TSPEAR: variants seen among roughly 807,000 people sequenced by gnomAD.
TSPEAR encodes thrombospondin-type laminin G domain and EAR repeat-containing protein.
A neutral mutation model predicts 71.6 loss-of-function variants in TSPEAR; 69 were observed. The ratio of observed to expected loss-of-function variants is 0.96; its 90% confidence interval spans 0.79 to 1.18. The LOEUF (loss-of-function observed/expected upper bound fraction) is 1.18, where lower values mean the gene tolerates loss of function less well. Ranked by LOEUF, TSPEAR falls within the 50% of genes most tolerant of loss-of-function variation. The pLI, the probability that TSPEAR is intolerant of heterozygous loss-of-function variation, is 0.00. For missense variants in TSPEAR, 971 were observed against 894.9 expected (o/e 1.09, Z -1.09); for synonymous variants, 402 against 387.2 (o/e 1.04, Z -0.45).
chr21:44,551,415 T>C, intron 2 of TSPEAR: 1 of 1,612,626 alleles, frequency 6.2e-7, no homozygotes, highest in Non-Finnish European at 8.5e-7. Flanking sequence ...CTGCCAGGAG[T>C]TGGTGCAGGC....
At chr21:44,526,720 T>C (rs2145972650) in intron 7 of TSPEAR, among the ~76,000 whole-genome samples, 1 of 151,886 alleles carries the variant, frequency 6.6e-6, no homozygotes, top group East Asian at 2.0e-4. Flanking sequence ...CTGTGTAGAG[T>C]CCAGGGAGTG....
rs2145921503 is a variant in TSPEAR, at chr21:44,509,295, T to G, written c.1658A>C (p.Gln553Pro). The change falls in exon 10 of 12, where the codon CAA becomes CCA. Residue 553 changes from glutamine (Q) to proline (P), a missense_variant. Physicochemically the swap from Gln to Pro is moderately conservative, Grantham distance 76. Coordinates refer to ENST00000323084, the MANE Select transcript of TSPEAR (RefSeq NM_144991.3). ...GATGACATAGGAATCATTCTGGACTTGCATCTCCACATCGTAGCTGTGACT... is the reference window on the plus strand; with the variant it reads ...GATGACATAGGAATCATTCTGGACTGGCATCTCCACATCGTAGCTGTGACT... Reference protein sequence around the residue: ...ANSHSYDVEMQVQNDSYVINS... With the variant: ...ANSHSYDVEMPVQNDSYVINS... The G allele has an allele frequency of 6.2e-7, 1 of 1,614,050 alleles. No individual in the cohort carries two copies. Among genetic ancestry groups the G allele is most frequent in the East Asian group, 2.2e-5 (1 of 44,866 alleles).
rs1555912333 is a variant in TSPEAR, at chr21:44,509,360, G to C, written c.1593C>G (p.Val531=). The C allele has an allele frequency of 6.2e-7, 1 of 1,613,794 alleles. No homozygotes were observed. The highest frequency in any genetic ancestry group is 1.7e-5 in the Admixed American group (1 of 59,992). The change falls in exon 10 of 12, where the codon GTC becomes GTG. Residue 531 remains valine, a synonymous_variant. Coordinates refer to ENST00000323084, the MANE Select transcript of TSPEAR (RefSeq NM_144991.3). ...FPTFGAADWE[V]FQIGERIFLA... ...GGAAGATCCTCTCCCCGATCTGGAAGACCTCCCAGTCTGCAGCACCGAACG... is the reference window on the plus strand; with the variant it reads ...GGAAGATCCTCTCCCCGATCTGGAACACCTCCCAGTCTGCAGCACCGAACG...
chr21:44,567,495 TTTA>T (rs1202055727), intron 2 of TSPEAR, among the ~76,000 whole-genome samples: 1 of 152,170 alleles, frequency 6.6e-6, no homozygotes, highest in Admixed American at 6.5e-5. Context: ...TAGATGTGAT[TTTA>T]TTGTTAGCGC....
At chr21:44,647,418 G>A (rs1180565099) in intron 1 of TSPEAR, 2 of 1,548,884 alleles carry the variant, frequency 1.3e-6, no homozygotes, top group Non-Finnish European at 1.8e-6. Flanking sequence ...TCCAGTCTCA[G>A]GAGCCCCTGG....
At chr21:44,540,429 C>T (rs147005757) in intron 2 of TSPEAR, among the ~76,000 whole-genome samples, 498 of 152,234 alleles carry the variant, frequency 3.3e-3, no homozygotes, top group Non-Finnish European at 5.1e-3. Flanking sequence ...ATGTGGATCC[C>T]TGGGGGCAAG....
intron 1 of TSPEAR, among the ~76,000 whole-genome samples, chr21:44,661,246 C>T (rs1050750352): frequency 7.5e-6 from 1 of 133,656 alleles, no homozygotes; most frequent in Non-Finnish European, 1.5e-5. Context: ...CGCCACTGCA[C>T]TCCAGGCTGG....
chr21:44,561,820 A>G (rs1281441044), intron 2 of TSPEAR, among the ~76,000 whole-genome samples: 2 of 152,174 alleles, frequency 1.3e-5, no homozygotes, highest in African/African-American at 4.8e-5. Flanking sequence ...AGATGTTAAT[A>G]GAACATATCT....
rs533447947 is a variant in TSPEAR, at chr21:44,687,022, C to T, written c.82+24411G>A. The stretch of plus-strand genomic sequence containing the variant: ...GCTGCTGAGTCCAAAGGGGGTGTCT[C>T]CTTCCCAGTAGTTTCAGACGAGGAT... On this transcript the variant is annotated intron_variant, in intron 1 of 11. Transcript: ENST00000323084. This position sits in a 1 kb window ranked among gnomAD's most constrained non-coding sequence, Gnocchi z 4.4. Among the ~76,000 whole-genome samples, 1 of 152,218 alleles carries T rather than the reference C, an allele frequency of 6.6e-6. No homozygotes were observed. The highest frequency in any genetic ancestry group is 1.5e-5 in the Non-Finnish European group (1 of 68,018).
chr21:44,615,866 C>T (rs940655173), intron 1 of TSPEAR, among the ~76,000 whole-genome samples: 11 of 152,326 alleles, frequency 7.2e-5, no homozygotes, highest in Middle Eastern at 3.4e-3. Context: ...AGCGTCCTCC[C>T]GGGACCAGAC....
At chr21:44,568,543 G>T (rs12627324) in intron 1 of TSPEAR, among the ~76,000 whole-genome samples, 34,879 of 152,020 alleles carry the variant, frequency 0.23, 4,412 homozygotes, top group East Asian at 0.4. Flanking sequence ...GAGTGGATAA[G>T]CTCCTGGGGA....
At position 44,580,437 on chromosome 21, in the gene TSPEAR, A is replaced by G. The variant is rs782722644; in HGVS notation, c.83-12432T>C. Reference sequence around the variant, plus strand: ...CAGGCCGCCTGGCAGCAGGGGCTGGACACACAGCTCACTGGGGTGCAGACC... The same window carrying G: ...CAGGCCGCCTGGCAGCAGGGGCTGGGCACACAGCTCACTGGGGTGCAGACC... On this transcript the variant is annotated intron_variant, in intron 1 of 11. Transcript: ENST00000323084. 3.1e-6 allele frequency: 5 copies of G among 1,612,968 alleles called. No homozygotes were observed. The highest frequency in any genetic ancestry group is 4.2e-6 in the Non-Finnish European group (5 of 1,179,914).
chr21:44,510,887 G>GC (rs2052351112), intron 9 of TSPEAR: 1 of 152,374 alleles, frequency 6.6e-6, no homozygotes, highest in Non-Finnish European at 1.5e-5. Flanking sequence ...CGGGGGCGGG[G>GC]CCGGGGGCTG....
In TSPEAR at chr21:44,525,619, T is replaced by G. The variant is rs187325619; in HGVS notation, c.1336+34A>C. The G allele has an allele frequency of 4.1e-3, 6,636 of 1,606,848 alleles. 18 individuals carry two copies. The highest frequency in any genetic ancestry group is 5.3e-3 in the Non-Finnish European group (6,202 of 1,175,838). On this transcript the variant is annotated intron_variant, in intron 8 of 11. Coordinates refer to ENST00000323084, the MANE Select transcript of TSPEAR (RefSeq NM_144991.3). ...AAGTCTCGCTCTGCCCCTGGAATGG[T>G]TGCCTCCCGGTGTGAAGGCCACTCC...
In TSPEAR at chr21:44,627,911, TCTC is replaced by T. The variant is rs782179624; in HGVS notation, c.83-59909_83-59907del. On this transcript the variant is annotated intron_variant, in intron 1 of 11. Transcript: ENST00000323084. ...TGCAGGCCCGCCTGCTGCGTGCCCG[TCTC>T]CTCCTGCTGTGCCCCCACCTCCTCC... 468 of 1,520,156 alleles carry T rather than the reference TCTC, an allele frequency of 3.1e-4. No individual in the cohort carries two copies. In the Middle Eastern group the frequency reaches 0.012, roughly 38 times the overall value. 94.2% of individuals were successfully genotyped at this position (1,520,156 alleles called of 1,614,324 possible). A position where few individuals can be genotyped will look rare whatever the true frequency, so the allele number is the denominator to read the frequency against.
intron 9 of TSPEAR, chr21:44,517,744 T>TC (rs1309267696): frequency 8.5e-6 from 4 of 470,932 alleles, no homozygotes; most frequent in Non-Finnish European, 1.3e-5. Flanking sequence ...TGGACATCAC[T>TC]CGCCTTCAGA....
At chr21:44,657,262 G>A in intron 1 of TSPEAR, among the ~76,000 whole-genome samples, 1 of 152,150 alleles carries the variant, frequency 6.6e-6, no homozygotes, top group East Asian at 1.9e-4. Flanking sequence ...ATGCTCTTGA[G>A]GCCAAGACCT....
intron 6 of TSPEAR, 21 bp downstream of exon 6, chr21:44,528,431 C>A: frequency 6.2e-7 from 1 of 1,613,368 alleles, no homozygotes; most frequent in Non-Finnish European, 8.5e-7. Flanking sequence ...TGCCAACGCC[C>A]CGGGTGCAGG....
chr21:44,652,035 G>C (rs967813169), intron 1 of TSPEAR, among the ~76,000 whole-genome samples: 10 of 147,784 alleles, frequency 6.8e-5, no homozygotes, highest in Non-Finnish European at 1.2e-4. Flanking sequence ...CCAGGCTGGA[G>C]TGCAGTGGCG....
Sources: gnomAD v4.1 joint callset for allele counts (sites outside exome capture counted in the v4.1 genomes callset) on GRCh38, gnomAD v4.1.1 for gene constraint, Gnocchi (gnomAD v3.1) non-coding constraint, MANE v1.5 for transcripts, NCBI Gene and HGNC (gene_info 2026-07-23, HGNC 2026-07-21) for gene names.